Variants in NALF1 observed in about 807,000 individuals in gnomAD.
The protein encoded by NALF1 is NALCN channel auxiliary factor 1, also known as family with sequence similarity 155 member A.
NALF1 carries 3 observed loss-of-function variants against 48.4 expected under a neutral mutation model. The observed-to-expected ratio is 0.06, with a 90% CI of 0.03 to 0.16. The LOEUF is 0.16. Ranked by LOEUF, NALF1 falls within the 10% of genes least tolerant of loss-of-function variation. The pLI, the probability that NALF1 is intolerant of heterozygous loss-of-function variation, is 1.00. For synonymous variants in NALF1, 262 were observed against 245.7 expected (o/e 1.07, Z -0.62); for missense variants, 526 against 571.5 (o/e 0.92, Z 0.81).
chr13:107,491,755 A>G (rs1230356457), intron 1 of NALF1, among the ~76,000 whole-genome samples: 1 of 152,152 alleles, frequency 6.6e-6, no homozygotes, highest in Non-Finnish European at 1.5e-5. Flanking sequence ...GCAACATTCC[A>G]TAAGTCGTTA....
intron 1 of NALF1, among the ~76,000 whole-genome samples, chr13:107,755,562 C>A (rs1370743769): frequency 6.6e-6 from 1 of 150,594 alleles, no homozygotes; most frequent in African/African-American, 2.4e-5. Flanking sequence ...ATTTTACATA[C>A]TAGATTCTAG....
intron 1 of NALF1, among the ~76,000 whole-genome samples, chr13:107,855,246 T>C (rs984871920): frequency 3.3e-5 from 5 of 152,248 alleles, no homozygotes; most frequent in Admixed American, 6.5e-5. Flanking sequence ...CTCTTAAGCC[T>C]ATGCTCATTC....
At chr13:107,542,602 C>T (rs1291010328) in intron 1 of NALF1, among the ~76,000 whole-genome samples, 1 of 152,074 alleles carries the variant, frequency 6.6e-6, no homozygotes, top group Non-Finnish European at 1.5e-5. Flanking sequence ...TATCTCCACT[C>T]AATCAAATGT....
At chr13:107,701,917 G>A (rs561553514) in intron 1 of NALF1, among the ~76,000 whole-genome samples, 125 of 152,114 alleles carry the variant, frequency 8.2e-4, no homozygotes, top group African/African-American at 2.9e-3. Context: ...ACTTTAATGC[G>A]CTTATCATAT....
At chr13:107,638,182 A>T (rs368668081) in intron 1 of NALF1, among the ~76,000 whole-genome samples, 2 of 52,816 alleles carry the variant, frequency 3.8e-5, no homozygotes, top group Non-Finnish European at 9.3e-5. Flanking sequence ...TATCTATATA[A>T]AGATTTATAT....
intron 1 of NALF1, among the ~76,000 whole-genome samples, chr13:107,227,389 A>C (rs1355902932): frequency 2.0e-5 from 3 of 152,192 alleles, no homozygotes. Flanking sequence ...TTTAAGACAC[A>C]AAGTGTGCAC....
chr13:107,273,772 C>T (rs759798936), intron 1 of NALF1, among the ~76,000 whole-genome samples: 33 of 152,218 alleles, frequency 2.2e-4, no homozygotes, highest in Middle Eastern at 3.4e-3. Flanking sequence ...ATCCATAGAA[C>T]AGAACAGGGT....
At chr13:107,674,663 A>G (rs1337680650) in intron 1 of NALF1, among the ~76,000 whole-genome samples, 1 of 152,214 alleles carries the variant, frequency 6.6e-6, no homozygotes, top group East Asian at 1.9e-4. Flanking sequence ...CACATCTACA[A>G]TATACACTAC....
chr13:107,317,133 A>G (rs1882166105), intron 1 of NALF1, among the ~76,000 whole-genome samples: 1 of 152,152 alleles, frequency 6.6e-6, no homozygotes, highest in Non-Finnish European at 1.5e-5. Flanking sequence ...CTCAAATAAT[A>G]CTTAGTTTTA....
chr13:107,383,547 G>A (rs1047742278), intron 1 of NALF1, among the ~76,000 whole-genome samples: 5 of 151,790 alleles, frequency 3.3e-5, no homozygotes, highest in African/African-American at 1.2e-4. Context: ...AACCACTGAA[G>A]TTCATTATTC....
chr13:107,767,097 A>G (rs1255139413), intron 1 of NALF1, among the ~76,000 whole-genome samples: 8 of 152,222 alleles, frequency 5.3e-5, no homozygotes, highest in Non-Finnish European at 1.5e-5. Flanking sequence ...ATGGATTTAC[A>G]TGCAGAAAAA....
intron 1 of NALF1, among the ~76,000 whole-genome samples, chr13:107,555,439 A>AT (rs34486058): frequency 0.26 from 18,162 of 69,826 alleles, 3,659 homozygotes; most frequent in Non-Finnish European, 0.34. Context: ...AGCCTGGCTA[A>AT]TTTTTTTTTT....
In NALF1 at chr13:107,677,804, CA is replaced by C. The variant is rs909910737; in HGVS notation, c.915+187877del. ...GATTATACTGTAAATAATTAAAATGCAGATTGTGAGATAATGAAAGCAAACA... is the reference window on the plus strand; with the variant it reads ...GATTATACTGTAAATAATTAAAATGCGATTGTGAGATAATGAAAGCAAACA... On this transcript the variant is annotated intron_variant, in intron 1 of 2. Coordinates refer to ENST00000375915, the MANE Select transcript of NALF1 (RefSeq NM_001080396.3). Among the ~76,000 whole-genome samples, 1,047 of 151,898 alleles carry C rather than the reference CA, an allele frequency of 6.9e-3. 12 individuals are homozygous for C. The highest frequency in any genetic ancestry group is 0.024 in the African/African-American group (979 of 41,394).
chr13:107,624,217 C>T (rs1043723162), intron 1 of NALF1, among the ~76,000 whole-genome samples: 3 of 152,072 alleles, frequency 2.0e-5, no homozygotes, highest in East Asian at 1.9e-4. Flanking sequence ...AGGGAGTATT[C>T]GCCGTTCTTC....
At chr13:107,434,297 C>T (rs999868303) in intron 1 of NALF1, among the ~76,000 whole-genome samples, 3 of 152,126 alleles carry the variant, frequency 2.0e-5, no homozygotes, top group Admixed American at 2.0e-4. Context: ...TTGACTGTAG[C>T]CTGATTATCA....
chr13:107,174,505 G>A (rs942003462), intron 2 of NALF1, among the ~76,000 whole-genome samples: 1 of 151,726 alleles, frequency 6.6e-6, no homozygotes, highest in Non-Finnish European at 1.5e-5. Flanking sequence ...ACAGGCTCCC[G>A]CCAACACACC....
chr13:107,706,669 T>G (rs1875375966), intron 1 of NALF1, among the ~76,000 whole-genome samples: 1 of 152,206 alleles, frequency 6.6e-6, no homozygotes, highest in African/African-American at 2.4e-5. Context: ...AAATAGAATG[T>G]AAGCCAAATC....
intron 1 of NALF1, among the ~76,000 whole-genome samples, chr13:107,646,416 C>T (rs1235465039): frequency 1.3e-5 from 2 of 151,920 alleles, no homozygotes; most frequent in African/African-American, 2.4e-5. Context: ...ATGGGATTTT[C>T]GTCTTTTCTA....
chr13:107,275,368 G>T (rs1372052438), intron 1 of NALF1, among the ~76,000 whole-genome samples: 1 of 152,054 alleles, frequency 6.6e-6, no homozygotes, highest in East Asian at 1.9e-4. Flanking sequence ...ATCTGTCCTG[G>T]TGAGACAGGC....
Sources: allele counts gnomAD v4.1 joint callset (sites outside exome capture counted in the v4.1 genomes callset), GRCh38; gene constraint gnomAD v4.1.1; transcripts MANE v1.5; gene names NCBI Gene and HGNC (gene_info 2026-07-23, HGNC 2026-07-21).